The following PPP3CA variants were observed in gnomAD, a reference collection of about 807,000 sequenced individuals.
The protein encoded by PPP3CA is CAM-PRP catalytic subunit.
A neutral mutation model predicts 66.5 loss-of-function variants in PPP3CA; 14 were observed. The ratio of observed to expected loss-of-function variants is 0.21; its 90% CI spans 0.14 to 0.33. PPP3CA has a LOEUF of 0.33. Among genes scored for constraint, PPP3CA ranks in the 10% least tolerant of loss-of-function variants. PPP3CA has a pLI of 1.00. For missense variants in PPP3CA, 317 were observed against 639.5 expected, an observed-to-expected ratio of 0.50 and a Z score of 5.44; for synonymous variants, 232 against 226.2, an observed-to-expected ratio of 1.03 and a Z score of -0.23.
chr4:101,254,795 T>G (rs1454727114), intron 1 of PPP3CA, among the ~76,000 whole-genome samples: 1 of 151,916 alleles, frequency 6.6e-6, no homozygotes, highest in Non-Finnish European at 1.5e-5. Context: ...ATAGTCACTA[T>G]GATTGTCTAT....
intron 6 of PPP3CA, among the ~76,000 whole-genome samples, chr4:101,084,479 T>C (rs1476468388): frequency 5.9e-5 from 9 of 151,738 alleles, no homozygotes; most frequent in Non-Finnish European, 1.0e-4. Flanking sequence ...TGTCTCTTAC[T>C]AAAAATACAA....
At chr4:101,213,750 A>AG (rs1725376285) in intron 1 of PPP3CA, among the ~76,000 whole-genome samples, 1 of 152,156 alleles carries the variant, frequency 6.6e-6, no homozygotes, top group Non-Finnish European at 1.5e-5. Context: ...AAAATAACAC[A>AG]GCTTGTGGGC....
chr4:101,197,056 A>C (rs1488402587), intron 1 of PPP3CA, among the ~76,000 whole-genome samples: 1 of 152,222 alleles, frequency 6.6e-6, no homozygotes, highest in Admixed American at 6.5e-5. Flanking sequence ...ATGATGGTTC[A>C]TTCACTGGAC....
At chr4:101,244,700 G>C (rs1726421072) in intron 1 of PPP3CA, among the ~76,000 whole-genome samples, 1 of 152,148 alleles carries the variant, frequency 6.6e-6, no homozygotes, top group Non-Finnish European at 1.5e-5. Context: ...CACTTTATAT[G>C]TTTCAGAAGA....
chr4:101,306,666 AAAAT>A (rs1458085451), intron 1 of PPP3CA, among the ~76,000 whole-genome samples: 1 of 152,182 alleles, frequency 6.6e-6, no homozygotes, highest in Non-Finnish European at 1.5e-5. Context: ...GCAAACCAAA[AAAAT>A]AAACAAGCTG....
At chr4:101,254,375 G>A (rs2110248014) in intron 1 of PPP3CA, among the ~76,000 whole-genome samples, 1 of 152,032 alleles carries the variant, frequency 6.6e-6, no homozygotes, top group East Asian at 1.9e-4. Flanking sequence ...TAGTTTATTT[G>A]CTGGTCACAG....
chr4:101,284,018 A>G (rs1727762021), intron 1 of PPP3CA, among the ~76,000 whole-genome samples: 1 of 152,224 alleles, frequency 6.6e-6, no homozygotes, highest in Non-Finnish European at 1.5e-5. Flanking sequence ...AGTGCTAAAT[A>G]GTCACATATG....
chr4:101,319,201 G>GA (rs1728967816), intron 1 of PPP3CA, among the ~76,000 whole-genome samples: 1 of 144,818 alleles, frequency 6.9e-6, no homozygotes, highest in African/African-American at 2.5e-5. Flanking sequence ...GCTTTAAAAA[G>GA]GAAGAACAGA....
intron 2 of PPP3CA, among the ~76,000 whole-genome samples, chr4:101,124,452 C>T (rs1054312774): frequency 2.0e-5 from 3 of 151,632 alleles, no homozygotes; most frequent in Non-Finnish European, 4.4e-5. Context: ...GGTGAAACTC[C>T]GTCTCTACTA....
chr4:101,148,060 A>C (rs193172062), intron 2 of PPP3CA, among the ~76,000 whole-genome samples: 1 of 152,282 alleles, frequency 6.6e-6, no homozygotes, highest in East Asian at 1.9e-4. Context: ...TCTTTCAACC[A>C]AAATATAAGA....
At chr4:101,268,430 A>G (rs1727234830) in intron 1 of PPP3CA, among the ~76,000 whole-genome samples, 1 of 152,104 alleles carries the variant, frequency 6.6e-6, no homozygotes, top group South Asian at 2.1e-4. Flanking sequence ...TTCCAACCTC[A>G]CAGTTTTTAT....
rs567970775 is a variant in PPP3CA at position 101,307,353 on chromosome 4, G to A, written c.58+39386C>T. On this transcript the variant is annotated intron_variant, in intron 1 of 13. Transcript: ENST00000394854. ...AGAATGTGTTGAAATGAGAATAGCTGCCATATGTCAAGTATTTGGGAGCTT... is the reference window on the plus strand; with the variant it reads ...AGAATGTGTTGAAATGAGAATAGCTACCATATGTCAAGTATTTGGGAGCTT... Among the ~76,000 whole-genome samples, 17 of 152,178 alleles carry A rather than the reference G, an allele frequency of 1.1e-4. No individual in the cohort carries two copies. In the South Asian group the frequency reaches 3.5e-3, roughly 32 times the overall value.
At chr4:101,267,532 A>G (rs1265602563) in intron 1 of PPP3CA, among the ~76,000 whole-genome samples, 1 of 152,158 alleles carries the variant, frequency 6.6e-6, no homozygotes, top group East Asian at 1.9e-4. Context: ...ATAAGCATAA[A>G]GTTTAATAAT....
intron 1 of PPP3CA, among the ~76,000 whole-genome samples, chr4:101,310,938 T>C (rs78461349): frequency 1.2e-4 from 18 of 152,248 alleles, no homozygotes; most frequent in African/African-American, 3.8e-4. Flanking sequence ...GTAATTAATA[T>C]TGAATGGAAT....
chr4:101,219,118 G>T (rs891409723), intron 1 of PPP3CA, among the ~76,000 whole-genome samples: 1 of 151,992 alleles, frequency 6.6e-6, no homozygotes, highest in African/African-American at 2.4e-5. Flanking sequence ...GAAAATGGAA[G>T]GGTGTGACTG....
At chr4:101,258,766 C>T (rs1363320360) in intron 1 of PPP3CA, among the ~76,000 whole-genome samples, 1 of 152,100 alleles carries the variant, frequency 6.6e-6, no homozygotes, top group Non-Finnish European at 1.5e-5. Context: ...TTCTCTCAAG[C>T]TTGACAATGA....
intron 1 of PPP3CA, among the ~76,000 whole-genome samples, chr4:101,213,052 C>A (rs1295972473): frequency 2.0e-5 from 3 of 152,086 alleles, no homozygotes; most frequent in Non-Finnish European, 4.4e-5. Flanking sequence ...TCAGAAAGTA[C>A]ACTATAAACA....
intron 2 of PPP3CA, among the ~76,000 whole-genome samples, chr4:101,170,286 C>T (rs1468606303): frequency 6.6e-6 from 1 of 151,984 alleles, no homozygotes. Context: ...AAAAACTCCT[C>T]CTGACTCTTG....
chr4:101,124,870 C>G (rs1255593211), intron 2 of PPP3CA, among the ~76,000 whole-genome samples: 1 of 152,128 alleles, frequency 6.6e-6, no homozygotes, highest in Non-Finnish European at 1.5e-5. Flanking sequence ...TTACAGAGCT[C>G]TTTCACATTG....
Sources: allele counts gnomAD v4.1 joint callset (sites outside exome capture counted in the v4.1 genomes callset), GRCh38; gene constraint gnomAD v4.1.1; transcripts MANE v1.5; gene names NCBI Gene and HGNC (gene_info 2026-07-23, HGNC 2026-07-21).